Variants in OTOF observed in about 807,000 individuals in gnomAD.
OTOF encodes the protein otoferlin, also known as fer-1-like family member 2.
OTOF carries 218 observed loss-of-function variants against 236.8 expected under a neutral mutation model. That is an observed-to-expected ratio of 0.92 (90% CI 0.82 to 1.03). The LOEUF (loss-of-function observed/expected upper bound fraction) is 1.03, where lower values mean the gene tolerates loss of function less well. Ranked by LOEUF, OTOF falls within the 50% of genes least tolerant of loss-of-function variation. The pLI is 0.00. For missense variants in OTOF, 2,590 were observed against 2,694.4 expected, an observed-to-expected ratio of 0.96 and a Z score of 0.86; for synonymous variants, 1,041 against 1,072.5, an observed-to-expected ratio of 0.97 and a Z score of 0.57.
intron 33 of OTOF, among the ~76,000 whole-genome samples, chr2:26,467,759 G>C (rs905605727): frequency 6.6e-6 from 1 of 152,160 alleles, no homozygotes; most frequent in African/African-American, 2.4e-5. Context: ...CATGGGTTTG[G>C]GGGTGGAGGC....
chr2:26,555,527 T>C (rs1465593639), intron 1 of OTOF, among the ~76,000 whole-genome samples: 2 of 152,062 alleles, frequency 1.3e-5, no homozygotes, highest in Non-Finnish European at 1.5e-5. Context: ...CTGGGAGCAC[T>C]GACCGAGGGG....
In OTOF at chr2:26,477,944, G is replaced by C; in HGVS notation, c.2215-195C>G. On this transcript the variant is annotated intron_variant, in intron 18 of 46. Transcript: ENST00000272371. This position sits in a 1 kb window ranked among gnomAD's most constrained non-coding sequence, Gnocchi z 4.7. Reference sequence around the variant, plus strand: ...CTGTTCTCAGAACCTGGAGATGTTGGTGTTCATGGGGGTTCTTCAGTTCCT... The same window carrying C: ...CTGTTCTCAGAACCTGGAGATGTTGCTGTTCATGGGGGTTCTTCAGTTCCT... 1.4e-6 allele frequency: 2 copies of C among 1,428,748 alleles called. No homozygotes were observed. The highest frequency in any genetic ancestry group is 1.8e-6 in the Non-Finnish European group (2 of 1,105,044). 88.5% of individuals were successfully genotyped at this position (1,428,748 alleles called of 1,614,324 possible).
chr2:26,507,078 C>T (rs746475408), intron 5 of OTOF, among the ~76,000 whole-genome samples: 1 of 152,214 alleles, frequency 6.6e-6, no homozygotes, highest in African/African-American at 2.4e-5. Context: ...CCCTTCCAAC[C>T]CTGCATAGTT....
rs74802025 is a variant in OTOF, at chr2:26,482,659, G to T, written c.1393-67C>A. ...TGTGAGTGGGTGCATGTGTGTGTGT[G>T]TGAGTGGGCGCATGTGTGCGTGAGT... is the stretch of plus-strand genomic sequence containing the variant. On this transcript the variant is annotated intron_variant, in intron 13 of 46. Transcript: ENST00000272371. 84,367 of 1,386,272 alleles carry T rather than the reference G, an allele frequency of 0.061. 2,914 individuals are homozygous for T. The highest frequency in any genetic ancestry group is 0.071 in the Non-Finnish European group (70,328 of 984,360). The allele number at this position is 1,386,272 out of a possible 1,614,324, so 85.9% of individuals were successfully genotyped here.
Position 26,489,204 on chromosome 2 carries a change from T to TAC in OTOF, c.1045+5_1045+6dup. On this transcript the variant is annotated splice_region_variant and intron_variant, in intron 11 of 46. Transcript: ENST00000272371. ...CCTCGACTGACTGGCCATGCGCAGGTACTCACCTGGCTGCGAGTACACGGT... is the reference window on the plus strand; with the variant it reads ...CCTCGACTGACTGGCCATGCGCAGGTACACTCACCTGGCTGCGAGTACACGGT... 6.2e-7 allele frequency: 1 copy of TAC among 1,604,944 alleles called. No homozygotes were observed. The highest frequency in any genetic ancestry group is 1.1e-5 in the South Asian group (1 of 90,126).
intron 30 of OTOF, among the ~76,000 whole-genome samples, chr2:26,472,157 A>G (rs1337607862): frequency 6.6e-6 from 1 of 151,858 alleles, no homozygotes; most frequent in African/African-American, 2.4e-5. Context: ...CCCCACATAC[A>G]TGCACACACA....
rs202127439 is a variant in OTOF, at chr2:26,460,160, C to T, written c.5859G>A (p.Ser1953=). The T allele has an allele frequency of 8.1e-6, 13 of 1,604,356 alleles. No homozygotes were observed. Among genetic ancestry groups the T allele is most frequent in the South Asian group, 1.1e-5 (1 of 89,208 alleles). The change falls in exon 46 of 47, where the codon TCG becomes TCA. Residue 1953 remains serine, a synonymous_variant. Transcript: ENST00000272371. This position sits in a 1 kb window ranked among gnomAD's most constrained non-coding sequence, Gnocchi z 5.3. The stretch of plus-strand genomic sequence containing the variant: ...ACGTGTGCCACAAGAAGTAGCGAGC[C>T]GACTTGAGAGGGTTCAGGAACCAGA... The part of the protein sequence containing the change: ...SFIWFLNPLK[S]ARYFLWHTYR...
intron 1 of OTOF, 33 bp downstream of exon 1, chr2:26,558,460 G>T: frequency 8.2e-6 from 13 of 1,592,676 alleles, no homozygotes; most frequent in African/African-American, 1.3e-5. Flanking sequence ...AGCTCTCAGA[G>T]CTGGCGTCCC....
chr2:26,538,086 C>A (rs1026107470), intron 1 of OTOF, among the ~76,000 whole-genome samples: 22 of 152,244 alleles, frequency 1.4e-4, no homozygotes, highest in African/African-American at 5.3e-4. Flanking sequence ...CTCTTTTCCA[C>A]CATGTTCTTC....
intron 25 of OTOF, 63 bp from the exon 26 acceptor site, chr2:26,474,737 G>A: frequency 6.4e-7 from 1 of 1,574,382 alleles, no homozygotes. Flanking sequence ...GATCTCGTTT[G>A]GTCCTTACCA....
chr2:26,537,816 C>T (rs774157993), intron 1 of OTOF, 42 bp from the exon 2 acceptor site: 7 of 1,440,700 alleles, frequency 4.9e-6, no homozygotes, highest in Non-Finnish European at 1.9e-6. Context: ...CAGAGCTGTC[C>T]AGACGATGAG....
intron 2 of OTOF, among the ~76,000 whole-genome samples, chr2:26,530,253 T>C (rs1213563931): frequency 6.6e-6 from 1 of 151,796 alleles, no homozygotes; most frequent in Non-Finnish European, 1.5e-5. Flanking sequence ...GGCGGGAGGC[T>C]GAGGCTAAGG....
At chr2:26,471,045 T>G (rs1366812936) in intron 31 of OTOF, 76 bp downstream of exon 31, 69 of 1,559,474 alleles carry the variant, frequency 4.4e-5, no homozygotes, top group South Asian at 3.7e-4. Flanking sequence ...TCCCTGATGC[T>G]GGACCCTTTG....
chr2:26,488,377 G>A (rs1347021985), intron 11 of OTOF, among the ~76,000 whole-genome samples: 1 of 152,156 alleles, frequency 6.6e-6, no homozygotes, highest in Non-Finnish European at 1.5e-5. Context: ...TTCACTTCAG[G>A]GACACAGGGT....
intron 1 of OTOF, among the ~76,000 whole-genome samples, chr2:26,546,961 A>G (rs1292904798): frequency 6.6e-6 from 1 of 152,166 alleles, no homozygotes; most frequent in Non-Finnish European, 1.5e-5. Flanking sequence ...AGATAGTTTT[A>G]CTTCTTCCTT....
chr2:26,509,857 C>A (rs1198423789), intron 5 of OTOF, among the ~76,000 whole-genome samples: 1 of 152,152 alleles, frequency 6.6e-6, no homozygotes, highest in Non-Finnish European at 1.5e-5. Context: ...GGTCAGAAGT[C>A]AGCTTCCCTG....
intron 36 of OTOF, chr2:26,466,473 A>C: frequency 1.8e-6 from 1 of 558,002 alleles, no homozygotes; most frequent in Non-Finnish European, 3.3e-6. Context: ...AGTAGCTGGG[A>C]TTACAGGTGC....
chr2:26,504,865 GTCCAGGTGGAGC>G (rs1666208518), intron 5 of OTOF, among the ~76,000 whole-genome samples: 1 of 152,152 alleles, frequency 6.6e-6, no homozygotes, highest in South Asian at 2.1e-4. Flanking sequence ...CATCCTGTAG[GTCCAGGTGGAGC>G]CAGGTGTAGG....
intron 16 of OTOF, 105 bp downstream of exon 16, chr2:26,480,098 G>A (rs1665490295): frequency 1.3e-6 from 1 of 770,338 alleles, no homozygotes; most frequent in African/African-American, 1.7e-5. Context: ...GTGAGGACAG[G>A]GCTGAGGTGC....
Sources: gnomAD v4.1 joint callset for allele counts (sites outside exome capture counted in the v4.1 genomes callset) on GRCh38, gnomAD v4.1.1 for gene constraint, Gnocchi (gnomAD v3.1) non-coding constraint, MANE v1.5 for transcripts, NCBI Gene and HGNC (gene_info 2026-07-23, HGNC 2026-07-21) for gene names.